The following SLC28A3 variants were observed in gnomAD, a reference collection of about 807,000 sequenced individuals.
SLC28A3 encodes the protein concentrative Na(+)-nucleoside cotransporter 3.
Under a neutral mutation model 84.2 loss-of-function variants are expected in SLC28A3, and 68 were observed. The observed-to-expected ratio is 0.81, with a 90% CI of 0.66 to 0.99. The LOEUF (loss-of-function observed/expected upper bound fraction) is 0.99, where lower values mean the gene tolerates loss of function less well. Ranked by LOEUF, SLC28A3 falls within the 50% of genes least tolerant of loss-of-function variation. The pLI, the probability that SLC28A3 is intolerant of heterozygous loss-of-function variation, is 0.00. For missense variants in SLC28A3, 712 were observed against 841.5 expected, an observed-to-expected ratio of 0.85 and a Z score of 1.90; for synonymous variants, 267 against 303.6, an observed-to-expected ratio of 0.88 and a Z score of 1.25.
At chr9:84,327,947 G>C (rs1261182988) in intron 1 of SLC28A3, among the ~76,000 whole-genome samples, 5 of 138,530 alleles carry the variant, frequency 3.6e-5, no homozygotes, top group Non-Finnish European at 7.8e-5. Flanking sequence ...AAAAAAGAAA[G>C]AAAAATAAAA....
chr9:84,346,507 T>A, the SLC28A3 span, among the ~76,000 whole-genome samples: 1 of 152,198 alleles, frequency 6.6e-6, no homozygotes, highest in Non-Finnish European at 1.5e-5. Flanking sequence ...TTTCATGTAG[T>A]GCAGATTAAC....
rs1009313230 is a variant in SLC28A3 at position 84,299,768 on chromosome 9, T to C, written c.525-43A>G. 8 of 1,541,226 alleles carry C rather than the reference T, an allele frequency of 5.2e-6. No individual in the cohort carries two copies. In the African/African-American group the frequency reaches 8.4e-5, roughly 16 times the overall value. On this transcript the variant is annotated intron_variant, in intron 5 of 17. Transcript: ENST00000376238. ...GAGGCATTGGCATCATTTGTTGTGCTAACTTGAGAATCATAATCAGGCTTA... is the reference window on the plus strand; with the variant it reads ...GAGGCATTGGCATCATTTGTTGTGCCAACTTGAGAATCATAATCAGGCTTA...
chr9:84,353,632 C>T, the SLC28A3 span, among the ~76,000 whole-genome samples: 3 of 152,180 alleles, frequency 2.0e-5, no homozygotes, highest in Non-Finnish European at 2.9e-5. Flanking sequence ...ATCACTTGAA[C>T]TCGAGAGGTG....
the SLC28A3 span, among the ~76,000 whole-genome samples, chr9:84,367,832 G>C: frequency 6.6e-6 from 1 of 152,206 alleles, no homozygotes. Context: ...TAACAGAGCA[G>C]TATCACTGCC....
Position 84,327,656 on chromosome 9 carries a change from G to A in SLC28A3, c.60+12918C>T, listed in dbSNP as rs142347944. Among the ~76,000 whole-genome samples the A allele has an allele frequency of 2.6e-4, 40 of 152,172 alleles. 2 individuals carry two copies. In the East Asian group the frequency reaches 7.0e-3, roughly 27 times the overall value. Reference sequence around the variant, plus strand: ...CTCCTCCCTGTCTTGGATGGGTGCGGTGGCTAATGCCTGTAATCCCAGCAC... The same window carrying A: ...CTCCTCCCTGTCTTGGATGGGTGCGATGGCTAATGCCTGTAATCCCAGCAC... On this transcript the variant is annotated intron_variant, in intron 1 of 17. Transcript: ENST00000376238.
chr9:84,358,942 A>G, the SLC28A3 span, among the ~76,000 whole-genome samples: 1 of 152,154 alleles, frequency 6.6e-6, no homozygotes, highest in African/African-American at 2.4e-5. Flanking sequence ...AGCTGGGACC[A>G]CAAGCGAGCA....
chr9:84,350,129 CAT>C, the SLC28A3 span, among the ~76,000 whole-genome samples: 2 of 152,110 alleles, frequency 1.3e-5, no homozygotes, highest in Non-Finnish European at 2.9e-5. Context: ...TATATCTAAA[CAT>C]AGAAAAGGTA....
At chr9:84,307,083 G>A (rs1262441955) in intron 3 of SLC28A3, among the ~76,000 whole-genome samples, 30 of 146,196 alleles carry the variant, frequency 2.1e-4, no homozygotes, top group Non-Finnish European at 4.2e-4. Context: ...GAGCCCGAGC[G>A]GTCAAGGCTG....
chr9:84,321,661 G>T (rs1333516099), intron 1 of SLC28A3, among the ~76,000 whole-genome samples: 1 of 150,552 alleles, frequency 6.6e-6, no homozygotes, highest in East Asian at 2.0e-4. Context: ...TTGGACTCGG[G>T]AGGCAGAGCT....
intron 1 of SLC28A3, among the ~76,000 whole-genome samples, chr9:84,315,859 C>T (rs547579658): frequency 1.3e-5 from 2 of 152,236 alleles, no homozygotes; most frequent in South Asian, 4.2e-4. Flanking sequence ...TTTAGCAACT[C>T]ACATTACTAA....
Position 84,309,682 on chromosome 9 carries a change from A to G in SLC28A3, c.189T>C (p.Ser63=), listed in dbSNP as rs775174662. 4 of 1,613,726 alleles carry G rather than the reference A, an allele frequency of 2.5e-6. No individual in the cohort carries two copies. The Admixed American group carries it at 6.7e-5, about 27-fold the overall frequency. Residue 63 remains serine, a synonymous_variant, in exon 3 of 18, where the codon TCT becomes TCC. Coordinates refer to ENST00000376238, the MANE Select transcript of SLC28A3 (RefSeq NM_001199633.2). ...DEEQVTVEQD[S]PRNREHMEDD... ...CCTCCATGTGTTCTCTGTTTCTTGG[A>G]GAATCCTGCTCAACTGTGACCTGTT... is the stretch of plus-strand genomic sequence containing the variant.
chr9:84,363,907 A>G, the SLC28A3 span, among the ~76,000 whole-genome samples: 2 of 152,216 alleles, frequency 1.3e-5, no homozygotes, highest in East Asian at 3.9e-4. Context: ...CATACTGACC[A>G]AAGTTTGTCT....
intron 3 of SLC28A3, among the ~76,000 whole-genome samples, chr9:84,306,034 C>T (rs987275258): frequency 2.0e-5 from 3 of 152,000 alleles, no homozygotes; most frequent in Non-Finnish European, 2.9e-5. Flanking sequence ...GGAGGAGGAT[C>T]GTGTCCAGCA....
chr9:84,365,455 C>T, the SLC28A3 span, among the ~76,000 whole-genome samples: 250 of 152,084 alleles, frequency 1.6e-3, 1 homozygote, highest in African/African-American at 5.8e-3. Context: ...TGCAAAACTT[C>T]ACTTTGTTGC....
chr9:84,347,129 C>T, the SLC28A3 span, among the ~76,000 whole-genome samples: 14 of 148,944 alleles, frequency 9.4e-5, no homozygotes, highest in Non-Finnish European at 1.6e-4. Context: ...TATCTTGAGC[C>T]CAGGAGGCAG....
At chr9:84,306,153 C>G (rs1003762065) in intron 3 of SLC28A3, among the ~76,000 whole-genome samples, 1 of 152,090 alleles carries the variant, frequency 6.6e-6, no homozygotes, top group Non-Finnish European at 1.5e-5. Flanking sequence ...GGAGGCCTCT[C>G]CTTCTCCCAC....
chr9:84,301,029 C>T (rs1825608040), intron 5 of SLC28A3, among the ~76,000 whole-genome samples: 1 of 151,944 alleles, frequency 6.6e-6, no homozygotes, highest in African/African-American at 2.4e-5. Context: ...TATATATACA[C>T]CTACGACATA....
chr9:84,299,795 T>A, intron 5 of SLC28A3, 70 bp from the exon 6 acceptor site: 3 of 409,070 alleles, frequency 7.3e-6, no homozygotes, highest in Non-Finnish European at 1.1e-5. Flanking sequence ...TCAGGCTTAA[T>A]TTTTTTTTTT....
chr9:84,288,722 T>C (rs895661182), intron 11 of SLC28A3, among the ~76,000 whole-genome samples: 15 of 151,996 alleles, frequency 9.9e-5, no homozygotes, highest in African/African-American at 3.6e-4. Flanking sequence ...TTTTTGTATC[T>C]TTTAGTAGAG....
Sources: gnomAD v4.1 joint callset for allele counts (sites outside exome capture counted in the v4.1 genomes callset) on GRCh38, gnomAD v4.1.1 for gene constraint, MANE v1.5 for transcripts, NCBI Gene and HGNC (gene_info 2026-07-23, HGNC 2026-07-21) for gene names.